Variants in NTM observed in about 807,000 individuals in gnomAD.
NTM encodes neurotrimin.
In NTM, 13 loss-of-function variants were observed where a neutral mutation model predicts 42.1. The ratio of observed to expected loss-of-function variants is 0.31; its 90% CI spans 0.20 to 0.49. The LOEUF (loss-of-function observed/expected upper bound fraction) is 0.49. Among genes scored for constraint, NTM ranks in the 20% least tolerant of loss-of-function variants. The pLI is 0.99. For synonymous variants in NTM, 187 were observed against 179.2 expected, an observed-to-expected ratio of 1.04 and a Z score of -0.35; for missense variants, 373 against 452.8, an observed-to-expected ratio of 0.82 and a Z score of 1.60.
At chr11:131,720,088 C>G (rs553064841) in intron 1 of NTM, among the ~76,000 whole-genome samples, 2 of 152,258 alleles carry the variant, frequency 1.3e-5, no homozygotes, top group East Asian at 3.9e-4. Context: ...AGGAGATGGT[C>G]AAAACAGGCT....
At chr11:131,618,915 T>C (rs2062230755) in intron 1 of NTM, among the ~76,000 whole-genome samples, 1 of 152,124 alleles carries the variant, frequency 6.6e-6, no homozygotes, top group Non-Finnish European at 1.5e-5. Context: ...AGTGAAGACA[T>C]AGAAAATCAT....
chr11:132,328,119 G>T (rs967198489), intron 7 of NTM, among the ~76,000 whole-genome samples: 2 of 152,182 alleles, frequency 1.3e-5, no homozygotes, highest in Non-Finnish European at 2.9e-5. Context: ...ACAGAAGCAT[G>T]TCAAGCATGG....
At chr11:131,569,510 AT>A (rs1414857450) in intron 1 of NTM, among the ~76,000 whole-genome samples, 10 of 149,566 alleles carry the variant, frequency 6.7e-5, no homozygotes, top group Non-Finnish European at 1.0e-4. Context: ...TTTTAATGAC[AT>A]TTTTTATTCC....
At chr11:131,742,030 C>T (rs2081264670) in intron 1 of NTM, among the ~76,000 whole-genome samples, 2 of 151,356 alleles carry the variant, frequency 1.3e-5, no homozygotes, top group Admixed American at 1.3e-4. Context: ...ATGATGAGAA[C>T]ACAGAGACAC....
chr11:131,893,597 T>G (rs2051736645), intron 1 of NTM, among the ~76,000 whole-genome samples: 1 of 152,188 alleles, frequency 6.6e-6, no homozygotes, highest in African/African-American at 2.4e-5. Context: ...TGAAGGAATC[T>G]CAAAGTACCA....
At chr11:131,769,439 G>A (rs1425677886) in intron 1 of NTM, 2 of 184,446 alleles carry the variant, frequency 1.1e-5, no homozygotes, top group Non-Finnish European at 2.0e-5. Flanking sequence ...TGCAAACAGG[G>A]AGGAAAGAAA....
intron 1 of NTM, among the ~76,000 whole-genome samples, chr11:131,569,531 A>G (rs1592081456): frequency 7.4e-6 from 1 of 134,574 alleles, no homozygotes; most frequent in Admixed American, 7.3e-5. Flanking sequence ...CTACTTTTAC[A>G]CTCAGGTTTT....
At chr11:132,273,335 T>TC (rs1555057743) in intron 4 of NTM, among the ~76,000 whole-genome samples, 9 of 127,984 alleles carry the variant, frequency 7.0e-5, no homozygotes, top group Admixed American at 4.6e-4. Flanking sequence ...TTTTTTTTTT[T>TC]CCTGAGGAAT....
At chr11:131,733,899 C>T (rs2135512299) in intron 1 of NTM, among the ~76,000 whole-genome samples, 1 of 152,256 alleles carries the variant, frequency 6.6e-6, no homozygotes, top group Admixed American at 6.5e-5. Flanking sequence ...AATTTTTTAA[C>T]ATTACCATAT....
intron 3 of NTM, among the ~76,000 whole-genome samples, chr11:132,208,565 T>C (rs1466215413): frequency 6.6e-6 from 1 of 152,188 alleles, no homozygotes; most frequent in African/African-American, 2.4e-5. Flanking sequence ...GATTGTCTCA[T>C]TTAATATACT....
At chr11:131,381,197 C>T (rs1942632500) in intron 1 of NTM, among the ~76,000 whole-genome samples, 1 of 152,232 alleles carries the variant, frequency 6.6e-6, no homozygotes, top group African/African-American at 2.4e-5. Context: ...GAAGGTTGAA[C>T]CTAAGAAAAG....
At chr11:131,809,811 T>C (rs57210222) in intron 1 of NTM, among the ~76,000 whole-genome samples, 29,219 of 152,170 alleles carry the variant, frequency 0.19, 5,592 homozygotes, top group African/African-American at 0.5. Flanking sequence ...ACAGCAGCCC[T>C]TCTGTGTCCC....
chr11:132,245,048 C>G (rs150921310), intron 4 of NTM, among the ~76,000 whole-genome samples: 2 of 152,120 alleles, frequency 1.3e-5, no homozygotes, highest in South Asian at 2.1e-4. Flanking sequence ...GCGTCCAATT[C>G]GCCGTGAAAT....
chr11:132,181,170 ACTC>A (rs1276046906), intron 3 of NTM, among the ~76,000 whole-genome samples: 2 of 151,704 alleles, frequency 1.3e-5, no homozygotes, highest in African/African-American at 4.8e-5. Context: ...TCATGAAACT[ACTC>A]CCTCTTGACT....
At chr11:131,391,459 G>A (rs1042126379) in intron 1 of NTM, among the ~76,000 whole-genome samples, 7 of 151,924 alleles carry the variant, frequency 4.6e-5, no homozygotes, top group African/African-American at 1.7e-4. Context: ...TTCTACCAGC[G>A]ATCATTAGCT....
intron 1 of NTM, among the ~76,000 whole-genome samples, chr11:131,653,759 T>TC (rs748073917): frequency 4.0e-5 from 6 of 151,868 alleles, no homozygotes; most frequent in East Asian, 1.9e-4. Context: ...CTCAGAGGGC[T>TC]CCCCCCGCGG....
intron 2 of NTM, among the ~76,000 whole-genome samples, chr11:132,001,610 C>A (rs368173451): frequency 2.0e-5 from 3 of 152,018 alleles, no homozygotes; most frequent in Admixed American, 6.6e-5. Context: ...AGGTACCATA[C>A]CCCAACAACA....
At chr11:131,923,659 G>A (rs1054794625) in intron 2 of NTM, among the ~76,000 whole-genome samples, 1 of 152,182 alleles carries the variant, frequency 6.6e-6, no homozygotes, top group Admixed American at 6.5e-5. Context: ...GGATTATTCT[G>A]CTCAAGGCCT....
chr11:131,523,632 A>G (rs1221514324), intron 1 of NTM, among the ~76,000 whole-genome samples: 4 of 151,976 alleles, frequency 2.6e-5, no homozygotes, highest in Non-Finnish European at 5.9e-5. Flanking sequence ...TCTACTAAAA[A>G]CACAAAAATT....
Sources: allele counts gnomAD v4.1 joint callset (sites outside exome capture counted in the v4.1 genomes callset), GRCh38; gene constraint gnomAD v4.1.1; transcripts MANE v1.5; gene names NCBI Gene and HGNC (gene_info 2026-07-23, HGNC 2026-07-21).